Variants in SEM1 observed in about 807,000 individuals in gnomAD.
SEM1 encodes the protein SEM1 26S proteasome subunit.
In SEM1, 3 loss-of-function variants were observed where a neutral mutation model predicts 12.7. The observed-to-expected ratio is 0.24, with a 90% CI of 0.11 to 0.61. The LOEUF (loss-of-function observed/expected upper bound fraction) is 0.61, where lower values mean the gene tolerates loss of function less well. Among genes scored for constraint, SEM1 ranks in the 20% least tolerant of loss-of-function variants. The pLI is 0.88. For missense variants in SEM1, 59 were observed against 81.3 expected (o/e 0.73, Z 1.06); for synonymous variants, 30 against 27.8 (o/e 1.08, Z -0.25).
chr7:96,612,119 G>T (rs909969505), intron 2 of SEM1, among the ~76,000 whole-genome samples: 1 of 152,098 alleles, frequency 6.6e-6, no homozygotes, highest in African/African-American at 2.4e-5. Context: ...TTGAGTAGGC[G>T]CTTCACAGTT....
intron 1 of SEM1, among the ~76,000 whole-genome samples, chr7:96,698,426 C>CCT (rs111934061): frequency 0.36 from 54,170 of 151,560 alleles, 10,792 homozygotes; most frequent in African/African-American, 0.56. Context: ...CTTCCCACCC[C>CCT]GACAGGCCCA....
chr7:96,652,530 A>C (rs922413686), intron 2 of SEM1, among the ~76,000 whole-genome samples: 2 of 152,062 alleles, frequency 1.3e-5, no homozygotes, highest in African/African-American at 2.4e-5. Flanking sequence ...TATGCTACAT[A>C]AATGATCCAA....
At chr7:96,561,673 G>A (rs778784335) in intron 2 of SEM1, among the ~76,000 whole-genome samples, 1 of 152,148 alleles carries the variant, frequency 6.6e-6, no homozygotes, top group African/African-American at 2.4e-5. Flanking sequence ...TCACTTAACA[G>A]TAGCTTTGGA....
chr7:96,626,485 C>T (rs1368247486), intron 2 of SEM1, among the ~76,000 whole-genome samples: 1 of 151,954 alleles, frequency 6.6e-6, no homozygotes, highest in East Asian at 1.9e-4. Context: ...AAGGTATGTT[C>T]CTTCTGTATC....
chr7:96,503,561 A>C (rs1412568568), intron 3 of SEM1: 1 of 152,158 alleles, frequency 6.6e-6, no homozygotes, highest in Non-Finnish European at 1.5e-5. Context: ...GAGAGAAGCT[A>C]ATCAATGTCC....
At chr7:96,573,110 T>A (rs1254640284) in intron 2 of SEM1, among the ~76,000 whole-genome samples, 1 of 414 alleles carries the variant, frequency 2.4e-3, no homozygotes, top group African/African-American at 8.3e-3. Flanking sequence ...GCAACCCCTG[T>A]TTTTTTTTTT....
intron 2 of SEM1, among the ~76,000 whole-genome samples, chr7:96,534,904 T>C (rs1342881502): frequency 1.3e-5 from 2 of 152,044 alleles, no homozygotes; most frequent in Non-Finnish European, 2.9e-5. Flanking sequence ...CTTTTTAACA[T>C]TTCTGTTTTA....
intron 3 of SEM1, among the ~76,000 whole-genome samples, chr7:96,504,339 G>T (rs1803676275): frequency 6.6e-6 from 1 of 152,114 alleles, no homozygotes; most frequent in African/African-American, 2.4e-5. Context: ...GCAAAGCTTG[G>T]TGTCTAAATT....
At chr7:96,700,376 G>A (rs1790233214) in intron 1 of SEM1, among the ~76,000 whole-genome samples, 1 of 152,124 alleles carries the variant, frequency 6.6e-6, no homozygotes, top group Non-Finnish European at 1.5e-5. Flanking sequence ...ATGAAGAAGA[G>A]TACACTCATC....
At chr7:96,586,726 A>G (rs770065763) in intron 2 of SEM1, among the ~76,000 whole-genome samples, 4 of 152,202 alleles carry the variant, frequency 2.6e-5, no homozygotes, top group Non-Finnish European at 4.4e-5. Flanking sequence ...GCAGAATGTT[A>G]TGTGTTTTAC....
chr7:96,525,270 T>C (rs1804415070), intron 2 of SEM1, among the ~76,000 whole-genome samples: 1 of 152,010 alleles, frequency 6.6e-6, no homozygotes, highest in South Asian at 2.1e-4. Flanking sequence ...CTTTTTTTTT[T>C]TTTGGTTAGA....
chr7:96,588,655 G>T (rs527421873), intron 2 of SEM1, among the ~76,000 whole-genome samples: 3 of 151,662 alleles, frequency 2.0e-5, no homozygotes, highest in East Asian at 3.9e-4. Flanking sequence ...AGATGTGGTA[G>T]CTCAGGAGGC....
At chr7:96,570,651 A>G (rs1805993330) in intron 2 of SEM1, among the ~76,000 whole-genome samples, 1 of 152,096 alleles carries the variant, frequency 6.6e-6, no homozygotes, top group Admixed American at 6.6e-5. Flanking sequence ...GCCGCGATAA[A>G]CGATAAACAT....
At chr7:96,585,587 G>C (rs1408878158) in intron 2 of SEM1, among the ~76,000 whole-genome samples, 3 of 152,232 alleles carry the variant, frequency 2.0e-5, no homozygotes, top group Non-Finnish European at 4.4e-5. Flanking sequence ...CTTGCAGTTT[G>C]ATCTCAGACT....
At chr7:96,611,004 C>A (rs111838376) in intron 2 of SEM1, among the ~76,000 whole-genome samples, 1 of 152,130 alleles carries the variant, frequency 6.6e-6, no homozygotes, top group Non-Finnish European at 1.5e-5. Context: ...TTCCCCCGAC[C>A]CCCAGGAGTT....
intron 2 of SEM1, among the ~76,000 whole-genome samples, chr7:96,535,370 A>G (rs1424552210): frequency 1.3e-5 from 2 of 151,874 alleles, no homozygotes; most frequent in Non-Finnish European, 2.9e-5. Flanking sequence ...CTTTTCGAAT[A>G]TATGTATTTA....
chr7:96,683,360 T>C (rs1270672617), intron 2 of SEM1, among the ~76,000 whole-genome samples: 5 of 151,788 alleles, frequency 3.3e-5, no homozygotes, highest in African/African-American at 1.2e-4. Flanking sequence ...GTTTGAATGA[T>C]GATCACTAAA....
At chr7:96,618,171 T>C (rs544317046), downstream of SEM1, among the ~76,000 whole-genome samples, 4 of 152,280 alleles carry the variant, frequency 2.6e-5, no homozygotes, top group South Asian at 2.1e-4. Flanking sequence ...TTTGTTGTTG[T>C]TGGGAGACTT....
intron 2 of SEM1, among the ~76,000 whole-genome samples, chr7:96,513,370 C>T (rs887341800): frequency 1.3e-5 from 2 of 152,122 alleles, no homozygotes; most frequent in African/African-American, 2.4e-5. Flanking sequence ...TACTTTCTTA[C>T]AGCAGCCCCA....
Sources: allele counts gnomAD v4.1 joint callset (sites outside exome capture counted in the v4.1 genomes callset), GRCh38; gene constraint gnomAD v4.1.1; transcripts MANE v1.5; gene names NCBI Gene and HGNC (gene_info 2026-07-23, HGNC 2026-07-21).